The following LRRC4C variants were observed in gnomAD, a reference collection of about 807,000 sequenced individuals.
The protein encoded by LRRC4C is leucine-rich repeat-containing protein 4C.
A neutral mutation model predicts 33.6 loss-of-function variants in LRRC4C; 5 were observed. The observed-to-expected ratio is 0.15, with a 90% CI of 0.08 to 0.31. LRRC4C has a LOEUF of 0.31. Ranked by LOEUF, LRRC4C falls within the 10% of genes least tolerant of loss-of-function variation. The probability of loss-of-function intolerance (pLI) is 1.00; values close to 1 mark genes in which losing one functional copy is unlikely to be tolerated. For missense variants in LRRC4C, 560 were observed against 796.7 expected (o/e 0.70, Z 3.58); for synonymous variants, 329 against 302.0 (o/e 1.09, Z -0.93).
intron 1 of LRRC4C, among the ~76,000 whole-genome samples, chr11:41,001,006 G>A (rs1042230667): frequency 6.6e-5 from 10 of 152,222 alleles, no homozygotes; most frequent in East Asian, 1.9e-4. Flanking sequence ...GTTAATCAGC[G>A]TAGTAATCTA....
chr11:41,246,713 T>C (rs1265566448), intron 1 of LRRC4C, among the ~76,000 whole-genome samples: 1 of 152,230 alleles, frequency 6.6e-6, no homozygotes, highest in Non-Finnish European at 1.5e-5. Flanking sequence ...GGTTTGCTAT[T>C]ATTTTTGTTG....
intron 3 of LRRC4C, among the ~76,000 whole-genome samples, chr11:40,609,581 T>C (rs1010321311): frequency 1.3e-5 from 2 of 151,568 alleles, no homozygotes; most frequent in Non-Finnish European, 3.0e-5. Flanking sequence ...AAGTAGAGCA[T>C]AGAAAAACAA....
At chr11:41,162,176 C>G (rs182361012) in intron 1 of LRRC4C, among the ~76,000 whole-genome samples, 1 of 152,242 alleles carries the variant, frequency 6.6e-6, no homozygotes, top group East Asian at 1.9e-4. Context: ...TCTTCCACAT[C>G]CAGCATCGCC....
chr11:40,805,421 C>T (rs1456384249), intron 2 of LRRC4C, among the ~76,000 whole-genome samples: 2 of 152,290 alleles, frequency 1.3e-5, no homozygotes. Flanking sequence ...ATTGTGACAG[C>T]CATTCATTGT....
At chr11:40,855,480 A>G (rs976807289) in intron 2 of LRRC4C, among the ~76,000 whole-genome samples, 4 of 152,256 alleles carry the variant, frequency 2.6e-5, no homozygotes, top group Admixed American at 1.3e-4. Context: ...TGCTTGGCAC[A>G]CTTACTATGT....
At chr11:40,942,982 G>C (rs147983477) in intron 1 of LRRC4C, among the ~76,000 whole-genome samples, 1 of 152,274 alleles carries the variant, frequency 6.6e-6, no homozygotes, top group Non-Finnish European at 1.5e-5. Flanking sequence ...ATAAATAGTA[G>C]TATACTTAGC....
intron 2 of LRRC4C, among the ~76,000 whole-genome samples, chr11:40,706,353 T>G (rs1946168196): frequency 1.3e-5 from 2 of 152,202 alleles, no homozygotes; most frequent in African/African-American, 2.4e-5. Flanking sequence ...GGCTAACATT[T>G]AAGTCTTTAA....
At chr11:40,932,081 A>G (rs1592125063) in intron 2 of LRRC4C, among the ~76,000 whole-genome samples, 2 of 152,278 alleles carry the variant, frequency 1.3e-5, no homozygotes, top group Middle Eastern at 3.4e-3. Flanking sequence ...TAATTAGGAT[A>G]GATTATGATA....
At chr11:40,263,036 C>G (rs1941981690) in intron 4 of LRRC4C, among the ~76,000 whole-genome samples, 1 of 151,424 alleles carries the variant, frequency 6.6e-6, no homozygotes, top group Admixed American at 6.6e-5. Flanking sequence ...TGCATATACT[C>G]AATAGATTTA....
chr11:41,001,691 G>A (rs1007201845), intron 1 of LRRC4C, among the ~76,000 whole-genome samples: 1 of 152,036 alleles, frequency 6.6e-6, no homozygotes, highest in Non-Finnish European at 1.5e-5. Context: ...TATTAATCAA[G>A]TGAAATTAAA....
At chr11:40,261,729 G>A (rs1322025478) in intron 4 of LRRC4C, among the ~76,000 whole-genome samples, 1 of 152,154 alleles carries the variant, frequency 6.6e-6, no homozygotes, top group Non-Finnish European at 1.5e-5. Flanking sequence ...ACAAAAACAA[G>A]CAATGGGGAA....
At chr11:40,589,712 T>G (rs898509845) in intron 3 of LRRC4C, among the ~76,000 whole-genome samples, 1 of 151,596 alleles carries the variant, frequency 6.6e-6, no homozygotes, top group African/African-American at 2.4e-5. Context: ...GTCTGTAAAG[T>G]ATTTTATTTC....
chr11:40,185,258 C>A (rs949202309), intron 5 of LRRC4C, among the ~76,000 whole-genome samples: 7 of 152,116 alleles, frequency 4.6e-5, no homozygotes, highest in African/African-American at 1.7e-4. Flanking sequence ...TTTTCTCAAG[C>A]AAGCATGGGC....
chr11:40,855,293 G>A (rs1953725677), intron 2 of LRRC4C, among the ~76,000 whole-genome samples: 1 of 152,166 alleles, frequency 6.6e-6, no homozygotes, highest in Admixed American at 6.5e-5. Flanking sequence ...CTACTGAGAT[G>A]TTTTTACTAT....
At chr11:41,244,983 A>T (rs16935477) in intron 1 of LRRC4C, among the ~76,000 whole-genome samples, 9,789 of 152,214 alleles carry the variant, frequency 0.064, 329 homozygotes, top group African/African-American at 0.079. Flanking sequence ...AGTAGAAACA[A>T]GGTGTGGTTA....
chr11:40,588,828 T>C (rs1281878672), intron 3 of LRRC4C, among the ~76,000 whole-genome samples: 3 of 152,230 alleles, frequency 2.0e-5, no homozygotes, highest in Non-Finnish European at 4.4e-5. Flanking sequence ...TTGATTGCAC[T>C]GTGGTCTGAG....
At position 40,201,439 on chromosome 11, in the gene LRRC4C, A is replaced by C. The variant is rs574098313; in HGVS notation, c.-96+40080T>G. Among the ~76,000 whole-genome samples, 3 of 152,326 alleles carry C rather than the reference A, an allele frequency of 2.0e-5. No individual in the cohort carries two copies. The South Asian group carries it at 6.2e-4, about 32-fold the overall frequency. ...TACTAGGTACAGCAACAAACTAAAC[A>C]AATCTTTTCCTCTACTTCTACGAAA... is the stretch of plus-strand genomic sequence containing the variant. On this transcript the variant is annotated intron_variant, in intron 5 of 6. Transcript: ENST00000528697.
At chr11:40,640,522 TA>T (rs1942042137) in intron 3 of LRRC4C, among the ~76,000 whole-genome samples, 1 of 151,886 alleles carries the variant, frequency 6.6e-6, no homozygotes, top group Admixed American at 6.6e-5. Flanking sequence ...TATTTTTTTT[TA>T]AAAAGGATGA....
At chr11:40,200,350 C>A (rs893257696) in intron 5 of LRRC4C, among the ~76,000 whole-genome samples, 4 of 151,690 alleles carry the variant, frequency 2.6e-5, no homozygotes, top group Non-Finnish European at 5.9e-5. Flanking sequence ...GGCGACAGAG[C>A]GAGACTCCAT....
Sources: gnomAD v4.1 joint callset for allele counts (sites outside exome capture counted in the v4.1 genomes callset) on GRCh38, gnomAD v4.1.1 for gene constraint, MANE v1.5 for transcripts, NCBI Gene and HGNC (gene_info 2026-07-23, HGNC 2026-07-21) for gene names.